The following RIMS1 variants were observed in gnomAD, a reference collection of about 807,000 sequenced individuals.
RIMS1 encodes regulating synaptic membrane exocytosis protein 1.
A neutral mutation model predicts 214.1 loss-of-function variants in RIMS1; 83 were observed. The ratio of observed to expected loss-of-function variants is 0.39; its 90% CI spans 0.32 to 0.47. RIMS1 has a LOEUF of 0.47. RIMS1 is among the 20% of genes least tolerant of loss of function. The pLI is 0.99. For missense variants in RIMS1, 2,050 were observed against 2,161.8 expected, an observed-to-expected ratio of 0.95 and a Z score of 1.03; for synonymous variants, 793 against 786.8, an observed-to-expected ratio of 1.01 and a Z score of -0.13.
At chr6:72,292,088 T>A (rs773209315) in intron 26 of RIMS1, 42 bp downstream of exon 26, 19 of 1,289,668 alleles carry the variant, frequency 1.5e-5, no homozygotes, top group Non-Finnish European at 2.1e-5. Flanking sequence ...ATCTTGGATT[T>A]GAGAACCTCC....
Position 72,261,491 on chromosome 6 carries a change from A to G in RIMS1, c.3116+724A>G, listed in dbSNP as rs1431136250. 4 of 958,714 alleles carry G rather than the reference A, an allele frequency of 4.2e-6. No homozygotes were observed. In the East Asian group the frequency reaches 3.5e-4, roughly 83 times the overall value. 59.4% of individuals were successfully genotyped at this position (958,714 alleles called of 1,614,324 possible). ...CATTACATCTTTAATTTCATATCCA[A>G]GTAAAACTTCTTACAGATTACTCAT... On this transcript the variant is annotated intron_variant, in intron 19 of 33. Coordinates refer to ENST00000521978, the MANE Select transcript of RIMS1 (RefSeq NM_014989.7).
At chr6:72,239,484 G>A (rs2065754170) in intron 9 of RIMS1, among the ~76,000 whole-genome samples, 1 of 152,090 alleles carries the variant, frequency 6.6e-6, no homozygotes, top group African/African-American at 2.4e-5. Context: ...TATCCTATTT[G>A]ATTTACATTA....
Position 71,886,911 on chromosome 6 carries a change from T to C in RIMS1, c.-113T>C, listed in dbSNP as rs1767912218. 3 of 1,293,886 alleles carry C rather than the reference T, an allele frequency of 2.3e-6. No homozygotes were observed. In the African/African-American group the frequency reaches 4.4e-5, roughly 19 times the overall value. 80.2% of individuals were successfully genotyped at this position (1,293,886 alleles called of 1,614,324 possible). On this transcript the variant is annotated 5_prime_UTR_variant, in exon 1 of 34. Transcript: ENST00000521978. ...CCGCCGCCGCCGCTGCTCCTCCTCC[T>C]GCCGCCGCCGCTAGGGCTCCGCTGT...
At chr6:72,377,127 T>G (rs1388095058) in intron 29 of RIMS1, among the ~76,000 whole-genome samples, 1 of 152,168 alleles carries the variant, frequency 6.6e-6, no homozygotes, top group Non-Finnish European at 1.5e-5. Context: ...AATTTAGAAT[T>G]CTCAGGCTCT....
chr6:72,281,713 C>G (rs1391524594), intron 23 of RIMS1, among the ~76,000 whole-genome samples: 1 of 151,912 alleles, frequency 6.6e-6, no homozygotes, highest in Admixed American at 6.6e-5. Context: ...ATATACATGG[C>G]TATCTCCTTC....
At chr6:72,349,897 T>G (rs1232573261) in intron 29 of RIMS1, among the ~76,000 whole-genome samples, 1 of 152,038 alleles carries the variant, frequency 6.6e-6, no homozygotes, top group African/African-American at 2.4e-5. Context: ...TTATAACTAG[T>G]GTAGGATTCT....
intron 2 of RIMS1, among the ~76,000 whole-genome samples, chr6:72,019,851 G>A (rs1163067762): frequency 1.3e-5 from 2 of 152,128 alleles, no homozygotes; most frequent in African/African-American, 4.8e-5. Context: ...ATAGGCATGT[G>A]AATTTACATA....
chr6:72,018,062 G>A (rs1257716054), intron 2 of RIMS1, among the ~76,000 whole-genome samples: 1 of 152,010 alleles, frequency 6.6e-6, no homozygotes, highest in Admixed American at 6.6e-5. Context: ...GATATGATCT[G>A]AGGTACCTTT....
At chr6:71,960,493 G>T (rs770097279) in intron 1 of RIMS1, among the ~76,000 whole-genome samples, 6 of 152,098 alleles carry the variant, frequency 3.9e-5, no homozygotes, top group Non-Finnish European at 7.4e-5. Flanking sequence ...TAAAATGACT[G>T]GGACTTTTGT....
intron 4 of RIMS1, among the ~76,000 whole-genome samples, chr6:72,176,678 G>T (rs1405659351): frequency 6.6e-6 from 1 of 151,668 alleles, no homozygotes; most frequent in Non-Finnish European, 1.5e-5. Flanking sequence ...TGGTGTACAA[G>T]GAAATAAGAC....
chr6:71,967,521 G>A (rs1264306058), intron 1 of RIMS1, among the ~76,000 whole-genome samples: 3 of 152,178 alleles, frequency 2.0e-5, no homozygotes, highest in African/African-American at 7.2e-5. Context: ...TCAGAGCTCA[G>A]AAATCCTAGG....
At chr6:72,113,498 G>T (rs780709374) in intron 4 of RIMS1, among the ~76,000 whole-genome samples, 8 of 151,976 alleles carry the variant, frequency 5.3e-5, no homozygotes, top group Non-Finnish European at 1.0e-4. Flanking sequence ...AATAATGAAA[G>T]GCCTTGAATA....
intron 4 of RIMS1, among the ~76,000 whole-genome samples, chr6:72,170,339 T>C (rs2046854434): frequency 1.3e-5 from 2 of 152,082 alleles, no homozygotes; most frequent in South Asian, 4.1e-4. Flanking sequence ...CCATTATGGG[T>C]TTTTTAAATT....
chr6:72,161,503 C>T (rs1342429711), intron 4 of RIMS1, among the ~76,000 whole-genome samples: 1 of 140,174 alleles, frequency 7.1e-6, no homozygotes, highest in Non-Finnish European at 1.6e-5. Flanking sequence ...TAGATCTTTC[C>T]TGCTTTCTCT....
chr6:72,261,061 C>A (rs1169197045), intron 19 of RIMS1: 47 of 1,221,778 alleles, frequency 3.8e-5, no homozygotes, highest in Non-Finnish European at 4.6e-5. Flanking sequence ...AATTAAAATT[C>A]TAAATGCTCA....
chr6:72,012,694 C>G (rs965293167), intron 2 of RIMS1, among the ~76,000 whole-genome samples: 1 of 152,062 alleles, frequency 6.6e-6, no homozygotes, highest in African/African-American at 2.4e-5. Context: ...ATGTACACAG[C>G]AAGGTTATAA....
At chr6:72,101,685 T>C (rs983135439) in intron 4 of RIMS1, among the ~76,000 whole-genome samples, 1 of 151,938 alleles carries the variant, frequency 6.6e-6, no homozygotes, top group Non-Finnish European at 1.5e-5. Flanking sequence ...TTCTACTTGA[T>C]CTGTTAAATT....
chr6:72,014,285 T>A (rs182214707), intron 2 of RIMS1, among the ~76,000 whole-genome samples: 48 of 152,296 alleles, frequency 3.2e-4, no homozygotes, highest in African/African-American at 1.2e-3. Context: ...ACCACCCCCA[T>A]GATTCAGTTA....
At chr6:72,162,676 G>T (rs1254142682) in intron 4 of RIMS1, among the ~76,000 whole-genome samples, 1 of 140,156 alleles carries the variant, frequency 7.1e-6, no homozygotes, top group Non-Finnish European at 1.6e-5. Flanking sequence ...TGAAATTCTG[G>T]GTTGAAAATT....
Sources: allele counts gnomAD v4.1 joint callset (sites outside exome capture counted in the v4.1 genomes callset), GRCh38; gene constraint gnomAD v4.1.1; transcripts MANE v1.5; gene names NCBI Gene and HGNC (gene_info 2026-07-23, HGNC 2026-07-21).